The following INSL3 variants were observed in gnomAD, a reference collection of about 807,000 sequenced individuals.
The protein encoded by INSL3 is insulin-like 3.
INSL3 carries 6 observed loss-of-function variants against 5.5 expected under a neutral mutation model. The observed-to-expected ratio is 1.08, with a 90% CI of 0.59 to 2.14. The LOEUF (loss-of-function observed/expected upper bound fraction) is 2.14, where lower values mean the gene tolerates loss of function less well. INSL3 is among the 30% of genes most tolerant of loss of function. The pLI is 0.00. For missense variants in INSL3, 178 were observed against 184.7 expected (o/e 0.96, Z 0.21); for synonymous variants, 86 against 82.1 (o/e 1.05, Z -0.26).
chr19:17,817,390 C>G (rs2094189397), intron 1 of INSL3, among the ~76,000 whole-genome samples: 1 of 148,340 alleles, frequency 6.7e-6, no homozygotes, highest in Non-Finnish European at 1.5e-5. Flanking sequence ...GAGGCTGAGG[C>G]AGGAGAATGA....
Position 17,818,907 on chromosome 19 carries a change from G to A in INSL3, c.191-1848C>T, listed in dbSNP as rs369960681. On this transcript the variant is annotated intron_variant, in intron 1 of 1. Transcript: ENST00000317306. ...CTTTTTTTTTTTGAGATGGAGTCTCGCTCTGTTGCCAAGCTGGAGTGCAGT... is the reference window on the plus strand; with the variant it reads ...CTTTTTTTTTTTGAGATGGAGTCTCACTCTGTTGCCAAGCTGGAGTGCAGT... Among the ~76,000 whole-genome samples the A allele has an allele frequency of 3.4e-4, 52 of 151,162 alleles. No homozygotes were observed. The East Asian group carries it at 4.5e-3, about 13-fold the overall frequency.
chr19:17,817,897 C>T (rs908168425), intron 1 of INSL3, among the ~76,000 whole-genome samples: 1 of 151,314 alleles, frequency 6.6e-6, no homozygotes, highest in Non-Finnish European at 1.5e-5. Flanking sequence ...TCCACACTCA[C>T]ATCCCCAGCT....
At chr19:17,819,574 G>A (rs1360624938) in intron 1 of INSL3, among the ~76,000 whole-genome samples, 1 of 152,138 alleles carries the variant, frequency 6.6e-6, no homozygotes, top group Non-Finnish European at 1.5e-5. Context: ...GGGCACAGTG[G>A]CTCATGCCTG....
chr19:17,818,392 C>T (rs866856511), intron 1 of INSL3, among the ~76,000 whole-genome samples: 5 of 152,058 alleles, frequency 3.3e-5, no homozygotes, highest in Admixed American at 2.0e-4. Flanking sequence ...TAGGTGGGTG[C>T]GTTGCTTGAG....
Position 17,816,783 on chromosome 19 carries a change from G to A in INSL3, c.*71C>T. On this transcript the variant is annotated 3_prime_UTR_variant, in exon 2 of 2. Coordinates refer to ENST00000317306, the MANE Select transcript of INSL3 (RefSeq NM_005543.4). ...TAGATGCGAGACTTTATGGTGCTGT[G>A]TGGCCTCAGGAGCTCACCAGACCAG... 6.9e-7 allele frequency: 1 copy of A among 1,444,302 alleles called. No individual in the cohort carries two copies. Among genetic ancestry groups the A allele is most frequent in the Non-Finnish European group, 9.7e-7 (1 of 1,031,204 alleles). The allele number at this position is 1,444,302 out of a possible 1,614,324, so 89.5% of individuals were successfully genotyped here.
In INSL3 at chr19:17,816,542, C is replaced by G; in HGVS notation, c.*312G>C. On this transcript the variant is annotated 3_prime_UTR_variant, in exon 2 of 2. Transcript: ENST00000317306. ...TTTGGGTCGTTTATTTACTAAGAGA[C>G]AGCAAGAAGGGGTGTTACACATGCA... 1 of 433,146 alleles carries G rather than the reference C, an allele frequency of 2.3e-6. No homozygotes were observed. Among genetic ancestry groups the G allele is most frequent in the Middle Eastern group, 6.8e-4 (1 of 1,472 alleles). The allele number at this position is 433,146 out of a possible 1,614,324, so 26.8% of individuals were successfully genotyped here.
rs143761608 is a variant in INSL3 at position 17,818,906 on chromosome 19, C to T, written c.191-1847G>A. Among the ~76,000 whole-genome samples, 512 of 151,592 alleles carry T rather than the reference C, an allele frequency of 3.4e-3. 1 individual carries two copies. The highest frequency in any genetic ancestry group is 0.012 in the African/African-American group (490 of 41,420). On this transcript the variant is annotated intron_variant, in intron 1 of 1. Coordinates refer to ENST00000317306, the MANE Select transcript of INSL3 (RefSeq NM_005543.4). ...GCTTTTTTTTTTTGAGATGGAGTCT[C>T]GCTCTGTTGCCAAGCTGGAGTGCAG...
Position 17,817,039 on chromosome 19 carries a change from C to G in INSL3, c.211G>C (p.Glu71Gln). ...AGCCCATGGAGCAGATGTCGTCTCT[C>G]CAGCCACTGTAGCAACTCACCTGGG... ...GGDRELLQWL[E>Q]RRHLLHGLVA... Residue 71 changes from glutamate (E) to glutamine (Q), a missense_variant, in exon 2 of 2, where the codon GAG (glutamate) becomes CAG (glutamine). Glu to Gln is a conservative substitution (Grantham distance 29, BLOSUM62 2). Transcript: ENST00000317306. 2.5e-6 allele frequency: 4 copies of G among 1,613,570 alleles called. No homozygotes were observed. The highest frequency in any genetic ancestry group is 1.1e-5 in the South Asian group (1 of 91,076).
chr19:17,821,410 ACTT>A lies in INSL3; in HGVS notation c.94_96del (p.Lys32del). 1.3e-6 allele frequency: 2 copies of A among 1,547,942 alleles called. No homozygotes were observed. The highest frequency in any genetic ancestry group is 2.4e-5 in the South Asian group (2 of 83,934). On this transcript the variant is annotated inframe_deletion, in exon 1 of 2. Transcript: ENST00000317306. ...GCGCGTACGAAGTGGTGGCCGCACA[ACTT>A]CTCACGCATCTCTGGGGTGGGCGCG...
intron 1 of INSL3, 38 bp downstream of exon 1, chr19:17,821,279 G>A (rs1316323862): frequency 3.2e-6 from 5 of 1,539,942 alleles, no homozygotes; most frequent in South Asian, 2.4e-5. Context: ...GCCCCACCTC[G>A]GCTTCCCAGA....
chr19:17,817,738 G>A (rs1360318263), intron 1 of INSL3, among the ~76,000 whole-genome samples: 1 of 140,878 alleles, frequency 7.1e-6, no homozygotes, highest in East Asian at 2.3e-4. Context: ...GAGGTTGCAG[G>A]GAGCTGGGAT....
At chr19:17,817,786 A>C (rs2094190013) in intron 1 of INSL3, among the ~76,000 whole-genome samples, 1 of 87,032 alleles carries the variant, frequency 1.1e-5, no homozygotes, top group Non-Finnish European at 2.1e-5. Context: ...CAAGAATGAA[A>C]CTCCATCTCA....
In INSL3 at chr19:17,817,039, C is replaced by T. The variant is rs757449194; in HGVS notation, c.211G>A (p.Glu71Lys). The T allele has an allele frequency of 3.7e-6, 6 of 1,613,452 alleles. No individual in the cohort carries two copies. Among genetic ancestry groups the T allele is most frequent in the African/African-American group, 1.3e-5 (1 of 74,916 alleles). The change falls in exon 2 of 2, where the codon GAG becomes AAG. Residue 71 changes from glutamate (E) to lysine (K), a missense_variant. Glu to Lys is a moderately conservative substitution (Grantham distance 56). Coordinates refer to ENST00000317306, the MANE Select transcript of INSL3 (RefSeq NM_005543.4). ...AGCCCATGGAGCAGATGTCGTCTCT[C>T]CAGCCACTGTAGCAACTCACCTGGG... ...GGDRELLQWL[E>K]RRHLLHGLVA...
intron 1 of INSL3, 158 bp from the exon 2 acceptor site, chr19:17,817,217 C>A (rs2094189146): frequency 1.3e-6 from 1 of 771,290 alleles, no homozygotes; most frequent in Non-Finnish European, 2.2e-6. Flanking sequence ...GTGGCTTACA[C>A]CTGTAATCCC....
chr19:17,817,820 C>CAAAAAAAAT (rs1568395411), intron 1 of INSL3, among the ~76,000 whole-genome samples: 16 of 102,200 alleles, frequency 1.6e-4, no homozygotes, highest in African/African-American at 2.2e-4. Flanking sequence ...AAAAAAAAAG[C>CAAAAAAAAT]GAGCACTTAT....
intron 1 of INSL3, chr19:17,820,343 C>T: frequency 2.6e-6 from 1 of 384,110 alleles, no homozygotes; most frequent in Non-Finnish European, 5.0e-6. Flanking sequence ...AAAAGCAATA[C>T]TTTTCAAAAG....
At chr19:17,817,325 C>A (rs1468984778) in intron 1 of INSL3, among the ~76,000 whole-genome samples, 1 of 141,000 alleles carries the variant, frequency 7.1e-6, no homozygotes, top group Non-Finnish European at 1.5e-5. Flanking sequence ...AAAAAAAAAA[C>A]AACCAAAAAA....
intron 1 of INSL3, among the ~76,000 whole-genome samples, chr19:17,819,870 A>G (rs540711857): frequency 6.7e-6 from 1 of 149,086 alleles, no homozygotes; most frequent in African/African-American, 2.5e-5. Context: ...ACAAAACAAG[A>G]CCAGACTGGC....
At chr19:17,817,600 C>G (rs2094189763) in intron 1 of INSL3, among the ~76,000 whole-genome samples, 1 of 151,174 alleles carries the variant, frequency 6.6e-6, no homozygotes, top group East Asian at 1.9e-4. Flanking sequence ...TTGAGATCAG[C>G]CTGGCCAACA....
Sources: gnomAD v4.1 joint callset for allele counts (sites outside exome capture counted in the v4.1 genomes callset) on GRCh38, gnomAD v4.1.1 for gene constraint, MANE v1.5 for transcripts, NCBI Gene and HGNC (gene_info 2026-07-23, HGNC 2026-07-21) for gene names.